Variants in BAALC observed in about 807,000 individuals in gnomAD.
BAALC encodes BAALC binder of MAP3K1 and KLF4.
BAALC carries 9 observed loss-of-function variants against 15.5 expected under a neutral mutation model. The observed-to-expected ratio is 0.58, with a 90% CI of 0.35 to 1.02. BAALC has a LOEUF of 1.02. Among genes scored for constraint, BAALC ranks in the 50% least tolerant of loss-of-function variants. The probability of loss-of-function intolerance (pLI) is 0.02; values close to 1 mark genes in which losing one functional copy is unlikely to be tolerated. For synonymous variants in BAALC, 80 were observed against 74.6 expected (o/e 1.07, Z -0.37); for missense variants, 201 against 192.4 (o/e 1.04, Z -0.27).
At position 103,140,970 on chromosome 8, in the gene BAALC, T is replaced by A; in HGVS notation, c.73T>A (p.Ser25Thr). 1 of 1,540,922 alleles carries A rather than the reference T, an allele frequency of 6.5e-7. No individual in the cohort carries two copies. The highest frequency in any genetic ancestry group is 8.7e-7 in the Non-Finnish European group (1 of 1,144,892). ...YYESWTRETE[S>T]TWLTYTDSDA... ...CGAGAGCTGGACCCGGGAGACAGAA[T>A]CCACCTGGCTCACCTACACCGACTC... Residue 25 changes from serine to threonine, a missense_variant, in exon 1 of 3, where the codon TCC becomes ACC. By Grantham distance (58) the Ser-to-Thr change is moderately conservative. Transcript: ENST00000309982. This position sits in a 1 kb window ranked among gnomAD's most constrained non-coding sequence, Gnocchi z 4.2.
intron 1 of BAALC, among the ~76,000 whole-genome samples, chr8:103,173,027 C>T (rs1811532145): frequency 6.6e-6 from 1 of 152,158 alleles, no homozygotes; most frequent in Non-Finnish European, 1.5e-5. Flanking sequence ...ACAAACATTG[C>T]TTTTAGTGGT....
At chr8:103,183,320 G>A in intron 1 of BAALC, 1 of 702,736 alleles carries the variant, frequency 1.4e-6, no homozygotes, top group East Asian at 2.7e-5. Context: ...TCCCTTTTGA[G>A]TCCTAACCAC....
At position 103,218,015 on chromosome 8, in the gene BAALC, G is replaced by A. The variant is rs546715316; in HGVS notation, c.327+4930G>A. The stretch of plus-strand genomic sequence containing the variant: ...GAATGGTGCTATGAAGGAAGTAGAA[G>A]GTCACTAGTCAGGGGTAGCAGCTAC... On this transcript the variant is annotated intron_variant, in intron 2 of 2. Coordinates refer to ENST00000309982, the MANE Select transcript of BAALC (RefSeq NM_024812.3). Among the ~76,000 whole-genome samples the A allele has an allele frequency of 3.9e-4, 59 of 152,294 alleles. 1 individual carries two copies. The highest frequency in any genetic ancestry group is 8.3e-4 in the South Asian group (4 of 4,814).
intron 1 of BAALC, among the ~76,000 whole-genome samples, chr8:103,160,289 TA>T (rs1811194342): frequency 6.6e-6 from 1 of 152,186 alleles, no homozygotes; most frequent in African/African-American, 2.4e-5. Context: ...GGAGTTTAAA[TA>T]TCCCTTAGAG....
intron 1 of BAALC, among the ~76,000 whole-genome samples, chr8:103,145,555 T>A (rs746302900): frequency 6.6e-6 from 1 of 152,366 alleles, no homozygotes; most frequent in African/African-American, 2.4e-5. Flanking sequence ...TGCTATGATA[T>A]GGTCATTGAA....
intron 1 of BAALC, among the ~76,000 whole-genome samples, chr8:103,145,794 G>A (rs750707409): frequency 4.7e-4 from 72 of 152,178 alleles, no homozygotes; most frequent in Non-Finnish European, 9.0e-4. Flanking sequence ...CTCAATAAAC[G>A]TTTGTTGAAT....
chr8:103,200,787 C>T (rs1004545845), intron 1 of BAALC: 1 of 679,174 alleles, frequency 1.5e-6, no homozygotes, highest in Non-Finnish European at 2.7e-6. Context: ...TCCCTTCAAC[C>T]TCTTTTATAA....
chr8:103,219,330 G>A (rs1375833745), intron 2 of BAALC: 2 of 152,216 alleles, frequency 1.3e-5, no homozygotes, highest in African/African-American at 4.8e-5. Context: ...CTACCTACGT[G>A]TTGATTAACT....
chr8:103,157,872 G>A (rs144167684), intron 1 of BAALC, among the ~76,000 whole-genome samples: 16 of 152,174 alleles, frequency 1.1e-4, no homozygotes, highest in African/African-American at 3.9e-4. Flanking sequence ...ATTTTTTATA[G>A]GTTGAAATGG....
Position 103,228,043 on chromosome 8 carries a change from G to C in BAALC, c.382G>C (p.Asp128His). 2 of 1,613,812 alleles carry C rather than the reference G, an allele frequency of 1.2e-6. No individual in the cohort carries two copies. The highest frequency in any genetic ancestry group is 1.3e-5 in the African/African-American group (1 of 75,024). ...AAAAGAAGTCACCATTAATGTAACA[G>C]ATAGCATCCAACAGATGGACAGAAG... ...PAKEVTINVTDSIQQMDRSRR... is the reference protein window; with the variant it reads ...PAKEVTINVTHSIQQMDRSRR... The change falls in exon 3 of 3, where the codon GAT becomes CAT. Residue 128 changes from aspartate (D) to histidine (H), a missense_variant. Physicochemically the swap from Asp to His is moderately conservative, Grantham distance 81. Transcript: ENST00000309982.
chr8:103,173,895 G>A (rs143763348), intron 1 of BAALC, among the ~76,000 whole-genome samples: 90 of 152,280 alleles, frequency 5.9e-4, no homozygotes, highest in African/African-American at 2.0e-3. Context: ...AATTCGTCAC[G>A]GTCCTTGCCC....
At position 103,141,074 on chromosome 8, in the gene BAALC, C is replaced by CT; in HGVS notation, c.160+18dup. ...TGCACTCGGGTAAGTGGCCGGGCCC[C>CT]TGCAGACCCTCGCCCGCCCGCTACC... On this transcript the variant is annotated intron_variant, in intron 1 of 2. Coordinates refer to ENST00000309982, the MANE Select transcript of BAALC (RefSeq NM_024812.3). The CT allele has an allele frequency of 6.9e-7, 1 of 1,443,822 alleles. No individual in the cohort carries two copies. Among genetic ancestry groups the CT allele is most frequent in the Non-Finnish European group, 9.1e-7 (1 of 1,102,434 alleles). The allele number at this position is 1,443,822 out of a possible 1,614,324, so 89.4% of individuals were successfully genotyped here.
intron 1 of BAALC, among the ~76,000 whole-genome samples, chr8:103,195,582 T>C (rs1415768814): frequency 2.6e-5 from 4 of 152,144 alleles, no homozygotes; most frequent in African/African-American, 7.2e-5. Flanking sequence ...GCTGGCACCC[T>C]ATGACAAGTC....
intron 1 of BAALC, among the ~76,000 whole-genome samples, chr8:103,209,222 A>G (rs577659518): frequency 6.6e-6 from 1 of 152,152 alleles, no homozygotes; most frequent in Admixed American, 6.5e-5. Flanking sequence ...AAATACAAAA[A>G]TTAGCTGGGT....
intron 1 of BAALC, chr8:103,165,541 C>T (rs774554810): frequency 8.5e-5 from 13 of 152,260 alleles, no homozygotes; most frequent in South Asian, 4.2e-4. Context: ...TGAGTACAAA[C>T]GCTGAGGTTT....
Position 103,141,038 on chromosome 8 carries a change from A to C in BAALC, c.141A>C (p.Glu47Asp), listed in dbSNP as rs946480800. 6.6e-7 allele frequency: 1 copy of C among 1,504,618 alleles called. No individual in the cohort carries two copies. Among genetic ancestry groups the C allele is most frequent in the African/African-American group, 1.5e-5 (1 of 68,440 alleles). The allele number at this position is 1,504,618 out of a possible 1,614,324, so 93.2% of individuals were successfully genotyped here. The stretch of plus-strand genomic sequence containing the variant: ...CCGCCGCCCCGGACAGCGGCCCCGA[A>C]GCGGGCGGCCTGCACTCGGGTAAGT... The part of the protein sequence containing the change: ...PSAAAPDSGP[E>D]AGGLHSGMLE... The change falls in exon 1 of 3, where the codon GAA becomes GAC. Residue 47 changes from glutamate (E) to aspartate (D), a missense_variant. Glu to Asp is a conservative substitution (Grantham distance 45, BLOSUM62 2). Coordinates refer to ENST00000309982, the MANE Select transcript of BAALC (RefSeq NM_024812.3).
rs193249101 is a variant in BAALC, at chr8:103,214,543, G to T, written c.327+1458G>T. 3.6e-4 allele frequency among the ~76,000 whole-genome samples: 55 copies of T among 152,334 alleles called. 1 individual carries two copies. The highest frequency in any genetic ancestry group is 7.1e-4 in the Non-Finnish European group (48 of 68,024). ...CTGAGAGTACAACTCATTATCTAAT[G>T]ATGGAATTCTTGCTCATATCAGTGA... is the stretch of plus-strand genomic sequence containing the variant. On this transcript the variant is annotated intron_variant, in intron 2 of 2. Transcript: ENST00000309982.
chr8:103,229,354 G>T lies in BAALC; in HGVS notation c.*1255G>T, dbSNP rs1446736093. 2 of 152,118 alleles carry T rather than the reference G, an allele frequency of 1.3e-5. No individual in the cohort carries two copies. Among genetic ancestry groups the T allele is most frequent in the East Asian group, 1.9e-4 (1 of 5,198 alleles). 9.4% of individuals were successfully genotyped at this position (152,118 alleles called of 1,614,324 possible). On this transcript the variant is annotated 3_prime_UTR_variant, in exon 3 of 3. Transcript: ENST00000309982. ...TAAATTCCATGTTTAGCAGAAATAG[G>T]CAGCCTATTGGTGTTATGTTTATGT...
At chr8:103,170,724 C>G (rs1420638627) in intron 1 of BAALC, among the ~76,000 whole-genome samples, 2 of 152,114 alleles carry the variant, frequency 1.3e-5, no homozygotes, top group Non-Finnish European at 2.9e-5. Flanking sequence ...TTTCAATCAC[C>G]CAGTTTTTGG....
Sources: allele counts gnomAD v4.1 joint callset (sites outside exome capture counted in the v4.1 genomes callset), GRCh38; gene constraint gnomAD v4.1.1; non-coding constraint Gnocchi (gnomAD v3.1); transcripts MANE v1.5; gene names NCBI Gene and HGNC (gene_info 2026-07-23, HGNC 2026-07-21).